LMO7: variants seen among roughly 807,000 people sequenced by gnomAD.
LMO7 encodes LIM domain 7.
In LMO7, 120 loss-of-function variants were observed where a neutral mutation model predicts 206.5. The ratio of observed to expected loss-of-function variants is 0.58; its 90% CI spans 0.50 to 0.68. The LOEUF is 0.68. LMO7 is among the 30% of genes least tolerant of loss of function. The pLI, the probability that LMO7 is intolerant of heterozygous loss-of-function variation, is 0.00. For missense variants in LMO7, 1,959 were observed against 1,957.9 expected (o/e 1.00, Z -0.01); for synonymous variants, 706 against 681.5 (o/e 1.04, Z -0.56).
intron 16 of LMO7, 33 bp from the exon 17 acceptor site, chr13:75,834,193 T>C (rs2058932146): frequency 6.5e-7 from 1 of 1,532,974 alleles, no homozygotes; most frequent in South Asian, 1.3e-5. Flanking sequence ...GGGATTTTTT[T>C]CCCCAATTGG....
At position 75,636,664 on chromosome 13, in the gene LMO7, G is replaced by A; in HGVS notation, c.7G>A (p.Gly3Arg). The A allele has an allele frequency of 6.2e-7, 1 of 1,605,870 alleles. No homozygotes were observed. The highest frequency in any genetic ancestry group is 2.2e-5 in the East Asian group (1 of 44,660). ...TCCCTCCCTTGTCCTAGCCATGGAAGGGCTGGAGGAGGCAGAGGCCAACTG... is the reference window on the plus strand; with the variant it reads ...TCCCTCCCTTGTCCTAGCCATGGAAAGGCTGGAGGAGGCAGAGGCCAACTG... ME[G>R]LEEAEANCSV... is the part of the protein sequence containing the mutation. Residue 3 changes from glycine (G) to arginine (R), a missense_variant, in exon 1 of 31, where the codon GGG (glycine) becomes AGG (arginine). Physicochemically the swap from Gly to Arg is moderately radical, Grantham distance 125. Transcript: ENST00000377534.
chr13:75,640,142 T>C (rs1022621826), intron 1 of LMO7, among the ~76,000 whole-genome samples: 2 of 188 alleles, frequency 0.011, no homozygotes, highest in African/African-American at 0.028. Flanking sequence ...AAAATTGTAG[T>C]GTTACAAAGC....
chr13:75,765,418 C>A (rs1359853944), intron 4 of LMO7, among the ~76,000 whole-genome samples: 2 of 134,536 alleles, frequency 1.5e-5, no homozygotes, highest in Admixed American at 8.2e-5. Flanking sequence ...AAACTTGGAT[C>A]TGCAACTTGA....
intron 11 of LMO7, among the ~76,000 whole-genome samples, chr13:75,813,094 C>T (rs1476693717): frequency 6.6e-5 from 10 of 152,166 alleles, no homozygotes; most frequent in African/African-American, 2.2e-4. Context: ...AGATAATTCA[C>T]GTAGACTGCT....
intron 4 of LMO7, among the ~76,000 whole-genome samples, chr13:75,781,055 A>T (rs1419298546): frequency 1.6e-5 from 2 of 125,214 alleles, no homozygotes; most frequent in African/African-American, 3.0e-5. Context: ...AATGGAAAAG[A>T]TGATGTCTTG....
chr13:75,813,657 T>G (rs12871931), intron 11 of LMO7, among the ~76,000 whole-genome samples: 40,457 of 152,076 alleles, frequency 0.27, 6,565 homozygotes, highest in Non-Finnish European at 0.36. Context: ...TTGTTCACAT[T>G]AAGGACCACC....
intron 28 of LMO7, among the ~76,000 whole-genome samples, chr13:75,854,633 A>G (rs754157482): frequency 1.3e-4 from 20 of 152,114 alleles, no homozygotes; most frequent in Non-Finnish European, 1.5e-5. Flanking sequence ...CCTGTATACA[A>G]AAGTAGAGTA....
chr13:75,735,002 G>C (rs1382604075), intron 3 of LMO7, among the ~76,000 whole-genome samples: 1 of 151,988 alleles, frequency 6.6e-6, no homozygotes, highest in Non-Finnish European at 1.5e-5. Flanking sequence ...GGAGGCTGAG[G>C]CAGGAGAATG....
intron 3 of LMO7, among the ~76,000 whole-genome samples, chr13:75,732,453 C>T (rs531705753): frequency 5.3e-4 from 81 of 152,318 alleles, no homozygotes; most frequent in Admixed American, 1.5e-3. Flanking sequence ...ACGTAGTTCT[C>T]GAGCCTTGGC....
intron 1 of LMO7, among the ~76,000 whole-genome samples, chr13:75,691,292 A>G (rs944248356): frequency 2.6e-5 from 4 of 152,348 alleles, no homozygotes; most frequent in Non-Finnish European, 1.5e-5. Context: ...CATGCCATCA[A>G]TCTTTTGGGT....
intron 4 of LMO7, among the ~76,000 whole-genome samples, chr13:75,776,518 G>A (rs61958155): frequency 0.11 from 16,507 of 151,908 alleles, 1,319 homozygotes; most frequent in Admixed American, 0.24. Context: ...TTTTATGAAT[G>A]ACTTTGATAA....
At chr13:75,730,596 T>C (rs1305550477) in intron 3 of LMO7, among the ~76,000 whole-genome samples, 2 of 149,642 alleles carry the variant, frequency 1.3e-5, no homozygotes, top group East Asian at 3.9e-4. Flanking sequence ...GATTCATTAA[T>C]TTTTTGAAGG....
chr13:75,801,797 ATTAC>A (rs1377092181), intron 7 of LMO7, among the ~76,000 whole-genome samples: 2 of 152,156 alleles, frequency 1.3e-5, no homozygotes, highest in African/African-American at 4.8e-5. Flanking sequence ...TATTTGGAAT[ATTAC>A]TTTTCTATTT....
At chr13:75,698,292 GTAATA>G (rs1340702762) in intron 1 of LMO7, among the ~76,000 whole-genome samples, 2 of 151,760 alleles carry the variant, frequency 1.3e-5, no homozygotes, top group Non-Finnish European at 2.9e-5. Context: ...ATACATATAT[GTAATA>G]TAATATACTT....
Position 75,841,911 on chromosome 13 carries a change from G to A in LMO7, c.3959G>A (p.Arg1320His), listed in dbSNP as rs931185828. The change falls in exon 24 of 31, where the codon CGT becomes CAT. Residue 1320 changes from arginine (R) to histidine (H), a missense_variant. Arg to His is a conservative substitution (Grantham distance 29). Coordinates refer to ENST00000377534, the MANE Select transcript of LMO7 (RefSeq NM_001306080.2). ...RLQAEAEEQK[R>H]PAEEQKRQAE... ...CAGGCTGAGGCTGAGGAGCAGAAGC[G>A]TCCTGCGGAGGAGCAGAAGCGCCAG... 24 of 1,613,654 alleles carry A rather than the reference G, an allele frequency of 1.5e-5. No homozygotes were observed. The highest frequency in any genetic ancestry group is 4.4e-5 in the South Asian group (4 of 91,072).
chr13:75,754,705 T>A (rs1043951841), intron 3 of LMO7, among the ~76,000 whole-genome samples: 10 of 152,194 alleles, frequency 6.6e-5, no homozygotes, highest in African/African-American at 2.4e-4. Flanking sequence ...GCACTTACAT[T>A]ACTGATGAAA....
chr13:75,781,477 A>G (rs1293873655), intron 4 of LMO7, among the ~76,000 whole-genome samples: 2 of 151,604 alleles, frequency 1.3e-5, no homozygotes, highest in African/African-American at 4.8e-5. Flanking sequence ...TTATGGCTGC[A>G]TAGTATTCCA....
At chr13:75,722,727 C>G (rs1409078529) in intron 2 of LMO7, among the ~76,000 whole-genome samples, 1 of 152,162 alleles carries the variant, frequency 6.6e-6, no homozygotes, top group Non-Finnish European at 1.5e-5. Context: ...ATGTTTATAG[C>G]AGCGCAATTT....
At position 75,807,480 on chromosome 13, in the gene LMO7, T is replaced by C; in HGVS notation, c.1197T>C (p.Ser399=). The change falls in exon 10 of 31, where the codon AGT becomes AGC. Residue 399 remains serine (S), a splice_region_variant and synonymous_variant. Coordinates refer to ENST00000377534, the MANE Select transcript of LMO7 (RefSeq NM_001306080.2). ...KPWYKEFQGF[S]QFLLLQALQT... is the part of the protein sequence containing the mutation. ...TTCCTTTTTCCTCTCTGTGCATCAG[T>C]CAGTTTTTACTGCTTCAGGCCCTCC... The C allele has an allele frequency of 6.2e-7, 1 of 1,612,640 alleles. No individual in the cohort carries two copies. The highest frequency in any genetic ancestry group is 8.5e-7 in the Non-Finnish European group (1 of 1,179,476).
Sources: allele counts gnomAD v4.1 joint callset (sites outside exome capture counted in the v4.1 genomes callset), GRCh38; gene constraint gnomAD v4.1.1; transcripts MANE v1.5; gene names NCBI Gene and HGNC (gene_info 2026-07-23, HGNC 2026-07-21).